TCF7L1: variants seen among roughly 807,000 people sequenced by gnomAD.
The protein encoded by TCF7L1 is transcription factor 7-like 1.
TCF7L1 carries 18 observed loss-of-function variants against 63.7 expected under a neutral mutation model. The observed-to-expected ratio is 0.28, with a 90% CI of 0.20 to 0.42. The LOEUF (loss-of-function observed/expected upper bound fraction) is 0.42. Ranked by LOEUF, TCF7L1 falls within the 10% of genes least tolerant of loss-of-function variation. The pLI, the probability that TCF7L1 is intolerant of heterozygous loss-of-function variation, is 1.00. For missense variants in TCF7L1, 654 were observed against 779.3 expected (o/e 0.84, Z 1.91); for synonymous variants, 355 against 340.9 (o/e 1.04, Z -0.46).
At chr2:85,293,081 G>A (rs958550109) in intron 4 of TCF7L1, among the ~76,000 whole-genome samples, 1 of 152,208 alleles carries the variant, frequency 6.6e-6, no homozygotes, top group Non-Finnish European at 1.5e-5. Flanking sequence ...ATGGCATGTG[G>A]CAGATACAAA....
chr2:85,308,061 C>T (rs1175990377), intron 11 of TCF7L1, among the ~76,000 whole-genome samples: 1 of 152,148 alleles, frequency 6.6e-6, no homozygotes, highest in Non-Finnish European at 1.5e-5. Flanking sequence ...AGCACATGAG[C>T]CCCTGACATC....
intron 3 of TCF7L1, among the ~76,000 whole-genome samples, chr2:85,229,845 A>G (rs185598610): frequency 1.3e-5 from 2 of 152,188 alleles, no homozygotes; most frequent in Non-Finnish European, 2.9e-5. Flanking sequence ...TGTCTCTACT[A>G]AAAATACAAA....
chr2:85,242,434 G>T (rs1401900484), intron 3 of TCF7L1, among the ~76,000 whole-genome samples: 1 of 152,228 alleles, frequency 6.6e-6, no homozygotes, highest in Non-Finnish European at 1.5e-5. Flanking sequence ...TCACCTTGAG[G>T]TTTTGTCAGC....
rs770168494 is a variant in TCF7L1 at position 85,134,116 on chromosome 2, C to T, written c.313+37C>T. 151 of 1,602,450 alleles carry T rather than the reference C, an allele frequency of 9.4e-5. No individual in the cohort carries two copies. The highest frequency in any genetic ancestry group is 1.1e-4 in the Non-Finnish European group (131 of 1,175,516). On this transcript the variant is annotated intron_variant, in intron 2 of 11. Transcript: ENST00000282111. The surrounding 1 kb of genome is among the most constrained non-coding windows in gnomAD (Gnocchi z 5.0). Reference sequence around the variant, plus strand: ...CTGGGACAGCCCCCCACTCTCGATTCCCGCTGCGCTCCGCTGCTCAGCCCG... The same window carrying T: ...CTGGGACAGCCCCCCACTCTCGATTTCCGCTGCGCTCCGCTGCTCAGCCCG...
At chr2:85,143,697 C>T (rs1677799084) in intron 3 of TCF7L1, among the ~76,000 whole-genome samples, 1 of 152,154 alleles carries the variant, frequency 6.6e-6, no homozygotes, top group African/African-American at 2.4e-5. Flanking sequence ...TACACACATG[C>T]CTGATATAAT....
At chr2:85,153,445 C>T (rs1205291069) in intron 3 of TCF7L1, among the ~76,000 whole-genome samples, 2 of 148,278 alleles carry the variant, frequency 1.3e-5, no homozygotes, top group Non-Finnish European at 3.0e-5. Flanking sequence ...GGGTTCACGC[C>T]ATTCTCCTGC....
chr2:85,182,875 T>C (rs892664465), intron 3 of TCF7L1, among the ~76,000 whole-genome samples: 1 of 152,118 alleles, frequency 6.6e-6, no homozygotes, highest in African/African-American at 2.4e-5. Context: ...TGAAAATACA[T>C]TGCTGGGTCC....
intron 3 of TCF7L1, among the ~76,000 whole-genome samples, chr2:85,139,802 G>A (rs1195035554): frequency 1.3e-5 from 2 of 152,140 alleles, no homozygotes; most frequent in Non-Finnish European, 2.9e-5. Flanking sequence ...CCATTTGCCT[G>A]GAAGGAGAAG....
intron 3 of TCF7L1, among the ~76,000 whole-genome samples, chr2:85,178,946 G>T (rs995882903): frequency 6.6e-6 from 1 of 152,172 alleles, no homozygotes; most frequent in Non-Finnish European, 1.5e-5. Context: ...TCAAGAGGAT[G>T]GATGGAAGAA....
At chr2:85,149,579 C>T (rs575320819) in intron 3 of TCF7L1, among the ~76,000 whole-genome samples, 7 of 151,948 alleles carry the variant, frequency 4.6e-5, no homozygotes, top group Admixed American at 2.0e-4. Flanking sequence ...AGGCTGGAGT[C>T]AGTGGCGCCA....
chr2:85,217,064 A>G (rs1313280455), intron 3 of TCF7L1: 1 of 152,206 alleles, frequency 6.6e-6, no homozygotes, highest in Non-Finnish European at 1.5e-5. Flanking sequence ...GCCATCTTCA[A>G]TTCAGAAGGG....
chr2:85,262,249 T>G (rs1016680218), intron 3 of TCF7L1: 2 of 537,176 alleles, frequency 3.7e-6, no homozygotes, highest in Non-Finnish European at 7.6e-6. Context: ...TGTAAGTATC[T>G]GAAGATGAGG....
intron 3 of TCF7L1, among the ~76,000 whole-genome samples, chr2:85,208,553 C>G (rs1284628491): frequency 1.3e-5 from 2 of 152,128 alleles, no homozygotes; most frequent in African/African-American, 4.8e-5. Flanking sequence ...TGAACCGTAT[C>G]CAGTTCATGG....
At chr2:85,285,929 C>T (rs111231881) in intron 4 of TCF7L1, among the ~76,000 whole-genome samples, 3,508 of 152,256 alleles carry the variant, frequency 0.023, 137 homozygotes, top group African/African-American at 0.08. Flanking sequence ...TGGTGGCTCA[C>T]GCCTGTAATC....
intron 4 of TCF7L1, among the ~76,000 whole-genome samples, chr2:85,287,753 G>T (rs1681597264): frequency 6.6e-6 from 1 of 152,188 alleles, no homozygotes; most frequent in Non-Finnish European, 1.5e-5. Flanking sequence ...TTTTGAGGCA[G>T]AGCATCTCAT....
intron 4 of TCF7L1, among the ~76,000 whole-genome samples, chr2:85,297,758 C>G (rs1297418097): frequency 6.6e-6 from 1 of 151,938 alleles, no homozygotes; most frequent in African/African-American, 2.4e-5. Context: ...ACACTCCAGC[C>G]TGGGGGGACA....
At chr2:85,139,386 G>C (rs1190565497) in intron 3 of TCF7L1, among the ~76,000 whole-genome samples, 3 of 152,204 alleles carry the variant, frequency 2.0e-5, no homozygotes, top group Non-Finnish European at 2.9e-5. Context: ...CATGGGCAAT[G>C]GCTAAGGGAC....
chr2:85,237,707 CAG>C (rs199601917), intron 3 of TCF7L1, among the ~76,000 whole-genome samples: 1,275 of 98,804 alleles, frequency 0.013, 9 homozygotes, highest in Non-Finnish European at 0.019. Flanking sequence ...GCTGTGTAAA[CAG>C]TGGGGTTGGG....
chr2:85,240,278 C>G (rs146480576), intron 3 of TCF7L1, among the ~76,000 whole-genome samples: 41 of 152,344 alleles, frequency 2.7e-4, no homozygotes, highest in African/African-American at 9.6e-4. Context: ...GCACCTCCCT[C>G]TCTCACAAGG....
Sources: gnomAD v4.1 joint callset for allele counts (sites outside exome capture counted in the v4.1 genomes callset) on GRCh38, gnomAD v4.1.1 for gene constraint, Gnocchi (gnomAD v3.1) non-coding constraint, MANE v1.5 for transcripts, NCBI Gene and HGNC (gene_info 2026-07-23, HGNC 2026-07-21) for gene names.